Variants in HNF4G observed in about 807,000 individuals in gnomAD.
HNF4G encodes hepatocyte nuclear factor 4-gamma.
Under a neutral mutation model 50.9 loss-of-function variants are expected in HNF4G, and 21 were observed. The ratio of observed to expected loss-of-function variants is 0.41; its 90% CI spans 0.29 to 0.59. The LOEUF (loss-of-function observed/expected upper bound fraction) is 0.59. Ranked by LOEUF, HNF4G falls within the 20% of genes least tolerant of loss-of-function variation. The pLI is 0.26. For missense variants in HNF4G, 527 were observed against 559.4 expected, an observed-to-expected ratio of 0.94 and a Z score of 0.58; for synonymous variants, 198 against 185.6, an observed-to-expected ratio of 1.07 and a Z score of -0.54.
intron 1 of HNF4G, among the ~76,000 whole-genome samples, chr8:75,449,964 A>G (rs538151404): frequency 1.1e-4 from 17 of 152,164 alleles, no homozygotes; most frequent in Non-Finnish European, 2.1e-4. Context: ...TTCCTGTGTA[A>G]CTAAAATTTT....
At chr8:75,410,415 C>G (rs1451827771) in intron 1 of HNF4G, among the ~76,000 whole-genome samples, 1 of 152,168 alleles carries the variant, frequency 6.6e-6, no homozygotes, top group African/African-American at 2.4e-5. Flanking sequence ...GAACATCTGA[C>G]TTGGGGAGTT....
chr8:75,410,460 A>C (rs1189541234), intron 1 of HNF4G, among the ~76,000 whole-genome samples: 2 of 152,286 alleles, frequency 1.3e-5, no homozygotes, highest in East Asian at 3.9e-4. Context: ...ATAAAATGGG[A>C]ATGGAATTAA....
At chr8:75,475,070 G>A (rs1281436494) in intron 1 of HNF4G, among the ~76,000 whole-genome samples, 2 of 151,538 alleles carry the variant, frequency 1.3e-5, no homozygotes, top group Non-Finnish European at 2.9e-5. Flanking sequence ...GTGCAGTGGT[G>A]TGATCTCGGC....
At chr8:75,418,631 T>G (rs1376625563) in intron 1 of HNF4G, among the ~76,000 whole-genome samples, 4 of 152,062 alleles carry the variant, frequency 2.6e-5, no homozygotes, top group African/African-American at 9.7e-5. Context: ...ATGGCAAAAT[T>G]GATGTGGCTT....
chr8:75,552,904 G>T, intron 4 of HNF4G, 138 bp from the exon 5 acceptor site: 2 of 541,226 alleles, frequency 3.7e-6, no homozygotes, highest in Non-Finnish European at 6.5e-6. Flanking sequence ...AATTTAAAAT[G>T]TTTAGTATTT....
intron 1 of HNF4G, among the ~76,000 whole-genome samples, chr8:75,482,190 G>T (rs1585882691): frequency 6.6e-6 from 1 of 152,124 alleles, no homozygotes; most frequent in East Asian, 1.9e-4. Flanking sequence ...GAATAAAAAT[G>T]AGATTAAGGA....
intron 1 of HNF4G, among the ~76,000 whole-genome samples, chr8:75,463,479 G>A (rs1193990304): frequency 6.6e-6 from 1 of 151,970 alleles, no homozygotes; most frequent in African/African-American, 2.4e-5. Context: ...CTAGGATCTG[G>A]CCAATTTAAT....
At chr8:75,438,177 C>G (rs886941193) in intron 1 of HNF4G, among the ~76,000 whole-genome samples, 1 of 152,192 alleles carries the variant, frequency 6.6e-6, no homozygotes, top group Non-Finnish European at 1.5e-5. Flanking sequence ...GATGCATATA[C>G]ATAAACATAT....
chr8:75,564,390 G>T lies in HNF4G; in HGVS notation c.*294G>T. 1 of 219,282 alleles carries T rather than the reference G, an allele frequency of 4.6e-6. No homozygotes were observed. The highest frequency in any genetic ancestry group is 9.0e-6 in the Non-Finnish European group (1 of 111,460). 13.6% of individuals were successfully genotyped at this position (219,282 alleles called of 1,614,324 possible). On this transcript the variant is annotated 3_prime_UTR_variant, in exon 10 of 10. Coordinates refer to ENST00000396423, the MANE Select transcript of HNF4G (RefSeq NM_004133.5). ...TGAATCTTATGTATGAGTTTCATTT[G>T]TTTTATTAATGTTAATTTAAATCTG...
intron 3 of HNF4G, among the ~76,000 whole-genome samples, chr8:75,549,096 GT>G (rs1237092571): frequency 6.6e-6 from 1 of 152,032 alleles, no homozygotes; most frequent in African/African-American, 2.4e-5. Flanking sequence ...TCCTTTATGA[GT>G]TTTACAATTT....
intron 2 of HNF4G, among the ~76,000 whole-genome samples, chr8:75,531,920 T>A (rs1412373261): frequency 6.6e-6 from 1 of 152,108 alleles, no homozygotes; most frequent in East Asian, 1.9e-4. Flanking sequence ...TAAATTGGAA[T>A]TTCTCTTTTA....
intron 1 of HNF4G, among the ~76,000 whole-genome samples, chr8:75,414,278 C>A (rs1810574744): frequency 6.7e-6 from 1 of 150,328 alleles, no homozygotes; most frequent in African/African-American, 2.4e-5. Context: ...CCTTTTATGT[C>A]TTTTTTTTTA....
chr8:75,449,258 A>T (rs1811515911), intron 1 of HNF4G, among the ~76,000 whole-genome samples: 1 of 152,116 alleles, frequency 6.6e-6, no homozygotes, highest in African/African-American at 2.4e-5. Flanking sequence ...ATACTGTAGA[A>T]TCTGGGGTCT....
intron 1 of HNF4G, among the ~76,000 whole-genome samples, chr8:75,470,647 T>C (rs900663288): frequency 6.6e-6 from 1 of 151,444 alleles, no homozygotes; most frequent in African/African-American, 2.4e-5. Flanking sequence ...TATAAGCCAG[T>C]GACAGACTAC....
intron 1 of HNF4G, among the ~76,000 whole-genome samples, chr8:75,409,093 G>T (rs926141191): frequency 2.0e-5 from 3 of 152,144 alleles, no homozygotes; most frequent in Non-Finnish European, 4.4e-5. Context: ...CACCTGATCT[G>T]CTGTGTGGTC....
chr8:75,467,867 C>T (rs759232272), intron 1 of HNF4G, among the ~76,000 whole-genome samples: 1 of 152,040 alleles, frequency 6.6e-6, no homozygotes, highest in Non-Finnish European at 1.5e-5. Flanking sequence ...ACCATGGAAA[C>T]TGAGTTGCTA....
chr8:75,439,730 G>A (rs1004976814), intron 1 of HNF4G, among the ~76,000 whole-genome samples: 1 of 151,790 alleles, frequency 6.6e-6, no homozygotes. Flanking sequence ...ATTCTCTACT[G>A]AACATTTTCC....
intron 2 of HNF4G, among the ~76,000 whole-genome samples, chr8:75,546,428 A>T (rs1197540331): frequency 1.3e-5 from 2 of 152,058 alleles, no homozygotes; most frequent in Non-Finnish European, 2.9e-5. Flanking sequence ...TAGTGTATCC[A>T]CAGAGTGGTG....
chr8:75,421,410 T>C (rs1009375889), intron 1 of HNF4G, among the ~76,000 whole-genome samples: 1 of 152,230 alleles, frequency 6.6e-6, no homozygotes, highest in African/African-American at 2.4e-5. Flanking sequence ...TAACTTTGAA[T>C]TGGTTTTTTA....
Sources: allele counts gnomAD v4.1 joint callset (sites outside exome capture counted in the v4.1 genomes callset), GRCh38; gene constraint gnomAD v4.1.1; transcripts MANE v1.5; gene names NCBI Gene and HGNC (gene_info 2026-07-23, HGNC 2026-07-21).